Variants in CHRD observed in about 807,000 individuals in gnomAD.
CHRD encodes the protein chordin.
CHRD carries 69 observed loss-of-function variants against 113.7 expected under a neutral mutation model. That is an observed-to-expected ratio of 0.61 (90% CI 0.50 to 0.74). The LOEUF is 0.74. CHRD is among the 30% of genes least tolerant of loss of function. The pLI, the probability that CHRD is intolerant of heterozygous loss-of-function variation, is 0.00. For missense variants in CHRD, 1,194 were observed against 1,295.8 expected, an observed-to-expected ratio of 0.92 and a Z score of 1.21; for synonymous variants, 561 against 540.8, an observed-to-expected ratio of 1.04 and a Z score of -0.52.
At chr3:184,389,860 G>C (rs1716929355), downstream of CHRD, 1 of 159,066 alleles carries the variant, frequency 6.3e-6, no homozygotes, top group African/African-American at 2.4e-5. Context: ...TTTGTGGCCA[G>C]GAACCTGAGT....
rs1716486798 is a variant in CHRD at position 184,387,315 on chromosome 3, G to T, written c.2348-59G>T. ...GGGGGTGGCCTGAGGCTCAAGCCTT[G>T]GTTGTGGGCCCAGCTGATGAGCTCA... is the stretch of plus-strand genomic sequence containing the variant. On this transcript the variant is annotated intron_variant, in intron 18 of 22. Transcript: ENST00000204604. The surrounding 1 kb of genome is among the most constrained non-coding windows in gnomAD (Gnocchi z 6.1). The T allele has an allele frequency of 2.6e-6, 4 of 1,548,552 alleles. No individual in the cohort carries two copies. Among genetic ancestry groups the T allele is most frequent in the South Asian group, 1.2e-5 (1 of 81,652 alleles).
chr3:184,387,023 T>C lies in CHRD; in HGVS notation c.2291-28T>C. On this transcript the variant is annotated intron_variant, in intron 17 of 22. Transcript: ENST00000204604. This position sits in a 1 kb window ranked among gnomAD's most constrained non-coding sequence, Gnocchi z 6.1. ...GGAGGGAATGAGGGTGGTCACTCTC[T>C]GCTTTCACCATTTCTTTGGCTCCAC... The C allele has an allele frequency of 6.2e-7, 1 of 1,614,070 alleles. No homozygotes were observed. Among genetic ancestry groups the C allele is most frequent in the Non-Finnish European group, 8.5e-7 (1 of 1,179,920 alleles).
chr3:184,388,559 C>G lies in CHRD; in HGVS notation c.2555-28C>G, dbSNP rs1453488149. 4 of 1,599,012 alleles carry G rather than the reference C, an allele frequency of 2.5e-6. No homozygotes were observed. The highest frequency in any genetic ancestry group is 3.4e-6 in the Non-Finnish European group (4 of 1,177,452). ...ATAAAACCTTGTTGGTCCTCCTGGGCTGATCCTTTCTCTTTCCCTCTCAAC... is the reference window on the plus strand; with the variant it reads ...ATAAAACCTTGTTGGTCCTCCTGGGGTGATCCTTTCTCTTTCCCTCTCAAC... On this transcript the variant is annotated intron_variant, in intron 20 of 22. Transcript: ENST00000204604. The surrounding 1 kb of genome is among the most constrained non-coding windows in gnomAD (Gnocchi z 6.1).
chr3:184,389,292 C>A, intron 22 of CHRD, 75 bp from the exon 23 acceptor site: 1 of 1,416,920 alleles, frequency 7.1e-7, no homozygotes, highest in Non-Finnish European at 9.9e-7. Flanking sequence ...GGATGCTTTG[C>A]CCTGCCCTCT....
chr3:184,381,852 C>T lies in CHRD; in HGVS notation c.611+37C>T, dbSNP rs531665144. On this transcript the variant is annotated intron_variant, in intron 5 of 22. Coordinates refer to ENST00000204604, the Ensembl canonical transcript of CHRD. This position sits in a 1 kb window ranked among gnomAD's most constrained non-coding sequence, Gnocchi z 4.7. ...GAAGGAGCAAGGAGGGGTCAGCTGC[C>T]GGGGCCCGGGAGGGAAACTGGGAGA... 52 of 1,610,696 alleles carry T rather than the reference C, an allele frequency of 3.2e-5. No homozygotes were observed. The highest frequency in any genetic ancestry group is 4.1e-5 in the Non-Finnish European group (48 of 1,178,290).
At chr3:184,385,158 G>A in exon 14 of CHRD, 1 of 1,614,150 alleles carries the variant, frequency 6.2e-7, no homozygotes, top group East Asian at 2.2e-5. Flanking sequence ...CTCAGAACAA[G>A]GCACTGTCAC....
chr3:184,380,852 C>A lies in CHRD; in HGVS notation c.252+57C>A. 7.3e-7 allele frequency: 1 copy of A among 1,368,818 alleles called. No individual in the cohort carries two copies. The highest frequency in any genetic ancestry group is 1.4e-5 in the African/African-American group (1 of 69,804). 84.8% of individuals were successfully genotyped at this position (1,368,818 alleles called of 1,614,324 possible). ...GGCGGGTGGGGAGCGCCGGGTCGCG[C>A]GGGCGTCGGAGTGGACTCGGAGCTG... is the stretch of plus-strand genomic sequence containing the variant. On this transcript the variant is annotated intron_variant, in intron 2 of 22. Coordinates refer to ENST00000204604, the Ensembl canonical transcript of CHRD. This position sits in a 1 kb window ranked among gnomAD's most constrained non-coding sequence, Gnocchi z 6.3.
chr3:184,385,223 A>T (rs1577399791), exon 14 of CHRD: 1 of 1,613,436 alleles, frequency 6.2e-7, no homozygotes, highest in African/African-American at 1.3e-5. Flanking sequence ...TGCTGAAGGG[A>T]TTCTATGGCT....
At chr3:184,386,916 C>A in exon 17 of CHRD, 1 of 1,614,196 alleles carries the variant, frequency 6.2e-7, no homozygotes, top group African/African-American at 1.3e-5. Context: ...AGGCTCCCGA[C>A]CAGTGCTGCC....
rs1716561780 is a variant in CHRD, at chr3:184,387,800, A to G, written c.2452-131A>G. 2 of 824,436 alleles carry G rather than the reference A, an allele frequency of 2.4e-6. No homozygotes were observed. Among genetic ancestry groups the G allele is most frequent in the South Asian group, 1.6e-5 (1 of 61,600 alleles). The allele number at this position is 824,436 out of a possible 1,614,324, so 51.1% of individuals were successfully genotyped here. A position where few individuals can be genotyped will look rare whatever the true frequency, so the allele number is the denominator to read the frequency against. ...CTGATGAGGAGCTGAGTTTAGGTCT[A>G]TAAAGCCAGTCCGGGCCTCTGAGTA... On this transcript the variant is annotated intron_variant, in intron 19 of 22. Transcript: ENST00000204604. The surrounding 1 kb of genome is among the most constrained non-coding windows in gnomAD (Gnocchi z 6.1).
chr3:184,382,490 G>A (rs760671991), exon 7 of CHRD: 2 of 1,614,084 alleles, frequency 1.2e-6, no homozygotes, highest in African/African-American at 2.7e-5. Flanking sequence ...CTTCAGGGGA[G>A]GTCTGGGGGC....
chr3:184,382,539 C>T lies in CHRD; in HGVS notation c.841+9C>T, dbSNP rs530030195. 576 of 1,613,566 alleles carry T rather than the reference C, an allele frequency of 3.6e-4. 7 individuals carry two copies. In the South Asian group the frequency reaches 6.0e-3, roughly 17 times the overall value. On this transcript the variant is annotated intron_variant, in intron 7 of 22. Transcript: ENST00000204604. Reference sequence around the variant, plus strand: ...CCGGGCCCTGGCTGCAGGTAGGGAGCAAAGAGCCCCGGGCGTGAAGTTCTG... The same window carrying T: ...CCGGGCCCTGGCTGCAGGTAGGGAGTAAAGAGCCCCGGGCGTGAAGTTCTG...
chr3:184,390,495 G>C (rs1252018826), downstream of CHRD: 1 of 151,736 alleles, frequency 6.6e-6, no homozygotes, highest in African/African-American at 2.4e-5. Flanking sequence ...GGGCAAACTG[G>C]GGTCAGAGTG....
chr3:184,380,325 A>G lies in CHRD; in HGVS notation c.7A>G (p.Ser3Gly). 1.6e-6 allele frequency: 2 copies of G among 1,279,758 alleles called. No individual in the cohort carries two copies. The highest frequency in any genetic ancestry group is 1.0e-6 in the Non-Finnish European group (1 of 999,948). 79.3% of individuals were successfully genotyped at this position (1,279,758 alleles called of 1,614,324 possible). A position where few individuals can be genotyped will look rare whatever the true frequency, so the allele number is the denominator to read the frequency against. ...CAGCTGTCCCGTTCGCGTCATGCCGAGCCTCCCGGCCCCGCCGGCCCCGCT... is the reference window on the plus strand; with the variant it reads ...CAGCTGTCCCGTTCGCGTCATGCCGGGCCTCCCGGCCCCGCCGGCCCCGCT... Residue 3 changes from serine to glycine, a missense_variant, in exon 1 of 23, where the codon AGC becomes GGC. Coordinates refer to ENST00000204604, the Ensembl canonical transcript of CHRD. The surrounding 1 kb of genome is among the most constrained non-coding windows in gnomAD (Gnocchi z 6.3).
rs1220534448 is a variant in CHRD at position 184,382,247 on chromosome 3, C to T, written c.700-142C>T. The T allele has an allele frequency of 2.9e-6, 4 of 1,362,594 alleles. No homozygotes were observed. In the East Asian group the frequency reaches 6.9e-5, roughly 24 times the overall value. The allele number at this position is 1,362,594 out of a possible 1,614,324, so 84.4% of individuals were successfully genotyped here. A position where few individuals can be genotyped will look rare whatever the true frequency, so the allele number is the denominator to read the frequency against. ...CCAGGATTGGAACCCAAGCATCTGG[C>T]TCCAGCGTTCTTTCTTAAGCTTCCT... On this transcript the variant is annotated intron_variant, in intron 6 of 22. Coordinates refer to ENST00000204604, the Ensembl canonical transcript of CHRD.
In CHRD at chr3:184,380,678, G is replaced by T; in HGVS notation, c.149-14G>T. The T allele has an allele frequency of 6.4e-7, 1 of 1,570,422 alleles. No homozygotes were observed. Among genetic ancestry groups the T allele is most frequent in the Non-Finnish European group, 8.6e-7 (1 of 1,166,140 alleles). On this transcript the variant is annotated splice_polypyrimidine_tract_variant and intron_variant, in intron 1 of 22. Coordinates refer to ENST00000204604, the Ensembl canonical transcript of CHRD. This position sits in a 1 kb window ranked among gnomAD's most constrained non-coding sequence, Gnocchi z 6.3. ...GAGCTGGGCAGCGGCCTCCAGCCAA[G>T]CCCGTCCCCGCAGGCTGCACCTTCG...
In CHRD at chr3:184,381,770, T is replaced by C. The variant is rs1270267161; in HGVS notation, c.566T>C (p.Val189Ala). 1.5e-5 allele frequency: 25 copies of C among 1,613,090 alleles called. No homozygotes were observed. The highest frequency in any genetic ancestry group is 1.8e-5 in the Non-Finnish European group (21 of 1,179,964). Residue 189 changes from valine to alanine, a missense_variant, in exon 5 of 23, where the codon GTC becomes GCC. Coordinates refer to ENST00000204604, the Ensembl canonical transcript of CHRD. The surrounding 1 kb of genome is among the most constrained non-coding windows in gnomAD (Gnocchi z 4.7). ...TCGCAGGCGGTGGCACGAGCCCGAG[T>C]CTCGCTGCTGCGCTCTAGCCTCCGC...
rs749562853 is a variant in CHRD at position 184,381,859 on chromosome 3, C to G, written c.611+44C>G. The G allele has an allele frequency of 8.1e-6, 13 of 1,610,724 alleles. No individual in the cohort carries two copies. The Admixed American group carries it at 1.5e-4, about 19-fold the overall frequency. ...CAAGGAGGGGTCAGCTGCCGGGGCC[C>G]GGGAGGGAAACTGGGAGAGCTGGGA... On this transcript the variant is annotated intron_variant, in intron 5 of 22. Transcript: ENST00000204604. The surrounding 1 kb of genome is among the most constrained non-coding windows in gnomAD (Gnocchi z 4.7).
chr3:184,383,453 G>A (rs753353555), intron 11 of CHRD, 35 bp downstream of exon 11: 1 of 1,612,974 alleles, frequency 6.2e-7, no homozygotes, highest in Non-Finnish European at 8.5e-7. Context: ...TGGGGGAGGG[G>A]TGGCGTGGGC....
Sources: gnomAD v4.1 joint callset for allele counts on GRCh38, gnomAD v4.1.1 for gene constraint, Gnocchi (gnomAD v3.1) non-coding constraint, MANE v1.5 for transcripts, NCBI Gene and HGNC (gene_info 2026-07-23, HGNC 2026-07-21) for gene names.